The following AIG1 variants were observed in gnomAD, a reference collection of about 807,000 sequenced individuals.
AIG1 encodes androgen-induced gene 1 protein.
AIG1 carries 23 observed loss-of-function variants against 31.4 expected under a neutral mutation model. That is an observed-to-expected ratio of 0.73 (90% CI 0.53 to 1.04). AIG1 has a LOEUF of 1.04. Among genes scored for constraint, AIG1 ranks in the 50% least tolerant of loss-of-function variants. The pLI is 0.00. For synonymous variants in AIG1, 100 were observed against 110.5 expected (o/e 0.90, Z 0.60); for missense variants, 274 against 295.0 (o/e 0.93, Z 0.52).
rs950467608 is a variant in AIG1, at chr6:143,292,801, T to C, written c.515+8576T>C. 2.6e-5 allele frequency among the ~76,000 whole-genome samples: 4 copies of C among 152,214 alleles called. No homozygotes were observed. The highest frequency in any genetic ancestry group is 7.2e-5 in the African/African-American group (3 of 41,454). On this transcript the variant is annotated intron_variant, in intron 4 of 5. Coordinates refer to ENST00000357847, the MANE Select transcript of AIG1 (RefSeq NM_016108.4). This position sits in a 1 kb window ranked among gnomAD's most constrained non-coding sequence, Gnocchi z 4.9. ...GCCGTGAGCATCAGAAAAATGGGTA[T>C]ACAATGTCCAGCACCTAACTGGCAC...
Position 143,287,348 on chromosome 6 carries a change from T to G in AIG1, c.515+3123T>G, listed in dbSNP as rs545026055. On this transcript the variant is annotated intron_variant, in intron 4 of 5. Transcript: ENST00000357847. ...TAGTTCCCCAAACAGTCCTTAGAGA[T>G]AGGCATGATCTTGCCCATTTTACAG... Among the ~76,000 whole-genome samples the G allele has an allele frequency of 3.9e-5, 6 of 152,264 alleles. No homozygotes were observed. In the East Asian group the frequency reaches 1.2e-3, roughly 29 times the overall value.
intron 1 of AIG1, among the ~76,000 whole-genome samples, chr6:143,072,738 A>T (rs1777405181): frequency 6.6e-6 from 1 of 152,176 alleles, no homozygotes; most frequent in Admixed American, 6.5e-5. Context: ...CCAAATTTTT[A>T]AAAAATAAAT....
chr6:143,342,678 G>A, downstream of AIG1: 1 of 1,221,828 alleles, frequency 8.2e-7, no homozygotes, highest in Non-Finnish European at 1.2e-6. Context: ...GATAGCATAA[G>A]ACCACAAAAA....
chr6:143,343,734 TA>T (rs773416230), downstream of AIG1, among the ~76,000 whole-genome samples: 17 of 152,232 alleles, frequency 1.1e-4, no homozygotes, highest in Non-Finnish European at 2.4e-4. Flanking sequence ...ATTTTTAATT[TA>T]ACTTTTAAGT....
intron 3 of AIG1, chr6:143,186,702 G>C (rs1789290864): frequency 6.6e-6 from 1 of 152,206 alleles, no homozygotes; most frequent in Non-Finnish European, 1.5e-5. Flanking sequence ...CATTTCCTTA[G>C]GCTGCACTTC....
chr6:143,138,757 G>A (rs537486771), intron 2 of AIG1, among the ~76,000 whole-genome samples: 11 of 152,058 alleles, frequency 7.2e-5, no homozygotes, highest in African/African-American at 2.4e-4. Flanking sequence ...GCCGGGCGTG[G>A]TGGTGGGCTC....
intron 3 of AIG1, among the ~76,000 whole-genome samples, chr6:143,254,599 C>A (rs940942253): frequency 1.4e-4 from 22 of 152,072 alleles, no homozygotes; most frequent in African/African-American, 3.9e-4. Context: ...TCTGTTCCCC[C>A]CTACCCCCGC....
intron 1 of AIG1, among the ~76,000 whole-genome samples, chr6:143,079,135 C>T (rs1026611248): frequency 1.3e-5 from 2 of 152,078 alleles, no homozygotes; most frequent in African/African-American, 4.8e-5. Flanking sequence ...ATTTTCTCTC[C>T]ACTATTTACA....
rs538993569 is a variant in AIG1, at chr6:143,279,386, G to A, written c.400-4724G>A. Among the ~76,000 whole-genome samples the A allele has an allele frequency of 6.6e-6, 1 of 152,134 alleles. No homozygotes were observed. The highest frequency in any genetic ancestry group is 1.5e-5 in the Non-Finnish European group (1 of 68,032). On this transcript the variant is annotated intron_variant, in intron 3 of 5. Coordinates refer to ENST00000357847, the MANE Select transcript of AIG1 (RefSeq NM_016108.4). The surrounding 1 kb of genome is among the most constrained non-coding windows in gnomAD (Gnocchi z 5.4). ...TGAGAACCTGCGGGTCTGAGAGTGAGGAAGGACAAAATCAGAACTAGATCT... is the reference window on the plus strand; with the variant it reads ...TGAGAACCTGCGGGTCTGAGAGTGAAGAAGGACAAAATCAGAACTAGATCT...
intron 1 of AIG1, among the ~76,000 whole-genome samples, chr6:143,066,683 G>A (rs1442817385): frequency 6.6e-6 from 1 of 152,164 alleles, no homozygotes; most frequent in African/African-American, 2.4e-5. Context: ...TTTCAGATAC[G>A]AGAGATGGGT....
In AIG1 at chr6:143,327,615, CT is replaced by C; in HGVS notation, c.516-5664del. 1 of 310,388 alleles carries C rather than the reference CT, an allele frequency of 3.2e-6. No homozygotes were observed. Among genetic ancestry groups the C allele is most frequent in the Non-Finnish European group, 6.1e-6 (1 of 164,932 alleles). The allele number at this position is 310,388 out of a possible 1,614,324, so 19.2% of individuals were successfully genotyped here. ...TCAGTTACCTATGTACCTGTTACCACTTTCAAAAATCTGCAGATAGTCAATG... is the reference window on the plus strand; with the variant it reads ...TCAGTTACCTATGTACCTGTTACCACTTCAAAAATCTGCAGATAGTCAATG... On this transcript the variant is annotated intron_variant, in intron 4 of 5. Coordinates refer to ENST00000357847, the MANE Select transcript of AIG1 (RefSeq NM_016108.4). This position sits in a 1 kb window ranked among gnomAD's most constrained non-coding sequence, Gnocchi z 5.3.
intron 2 of AIG1, among the ~76,000 whole-genome samples, chr6:143,143,528 A>AAAAAAAATATATATATAT (rs1554249782): frequency 1.4e-4 from 4 of 27,788 alleles, no homozygotes; most frequent in East Asian, 2.6e-3. Context: ...AAAAAAAAAA[A>AAAAAAAATATATATATAT]ATATATATAT....
chr6:143,238,231 G>A (rs556001555), intron 3 of AIG1, among the ~76,000 whole-genome samples: 15 of 152,248 alleles, frequency 9.9e-5, no homozygotes, highest in African/African-American at 2.9e-4. Flanking sequence ...GTGAGCCACC[G>A]CACCCGGCCC....
chr6:143,335,926 CCA>C (rs1179188249), intron 5 of AIG1, among the ~76,000 whole-genome samples: 3 of 148,060 alleles, frequency 2.0e-5, no homozygotes, highest in East Asian at 2.0e-4. Flanking sequence ...CCATCCTGAG[CCA>C]CAGAGTGAAA....
intron 2 of AIG1, among the ~76,000 whole-genome samples, chr6:143,146,475 A>C: frequency 6.7e-6 from 1 of 148,902 alleles, no homozygotes; most frequent in Non-Finnish European, 1.5e-5. Flanking sequence ...TGCATATCTC[A>C]CTCCCCCCTC....
At position 143,084,276 on chromosome 6, in the gene AIG1, G is replaced by A. The variant is rs377521098; in HGVS notation, c.141+23210G>A. On this transcript the variant is annotated intron_variant, in intron 1 of 5. Coordinates refer to ENST00000357847, the MANE Select transcript of AIG1 (RefSeq NM_016108.4). ...CAGAGGACCTTCATCCCCTGGGGCA[G>A]TGGGCCTTCCAGTGACTCCCTTGAC... 1.8e-4 allele frequency among the ~76,000 whole-genome samples: 28 copies of A among 152,340 alleles called. No individual in the cohort carries two copies. The South Asian group carries it at 5.8e-3, about 32-fold the overall frequency.
At chr6:143,192,049 G>A (rs749388217) in intron 3 of AIG1, among the ~76,000 whole-genome samples, 17 of 152,200 alleles carry the variant, frequency 1.1e-4, no homozygotes, top group Non-Finnish European at 2.1e-4. Context: ...ACTTGTAGAT[G>A]TAAAAAACAT....
intron 3 of AIG1, among the ~76,000 whole-genome samples, chr6:143,195,533 C>G (rs530938339): frequency 6.6e-6 from 1 of 152,208 alleles, no homozygotes; most frequent in East Asian, 1.9e-4. Flanking sequence ...GCTTCCTTCT[C>G]CAGGGCTGCG....
At chr6:143,290,938 T>G (rs144522442) in intron 4 of AIG1, among the ~76,000 whole-genome samples, 9 of 152,202 alleles carry the variant, frequency 5.9e-5, no homozygotes, top group African/African-American at 1.7e-4. Context: ...TTCCCCACCC[T>G]CTTCCCAAGA....
Sources: gnomAD v4.1 joint callset for allele counts (sites outside exome capture counted in the v4.1 genomes callset) on GRCh38, gnomAD v4.1.1 for gene constraint, Gnocchi (gnomAD v3.1) non-coding constraint, MANE v1.5 for transcripts, NCBI Gene and HGNC (gene_info 2026-07-23, HGNC 2026-07-21) for gene names.